Variants in TRPM2 observed in about 807,000 individuals in gnomAD.
TRPM2 encodes the protein estrogen-responsive element-associated gene 1 protein.
In TRPM2, 161 loss-of-function variants were observed where a neutral mutation model predicts 174.0. That is an observed-to-expected ratio of 0.93 (90% CI 0.81 to 1.05). The LOEUF is 1.05. Among genes scored for constraint, TRPM2 ranks in the 50% least tolerant of loss-of-function variants. The pLI, the probability that TRPM2 is intolerant of heterozygous loss-of-function variation, is 0.00. For missense variants in TRPM2, 2,057 were observed against 2,038.0 expected (o/e 1.01, Z -0.18); for synonymous variants, 954 against 861.3 (o/e 1.11, Z -1.88).
intron 29 of TRPM2, 110 bp downstream of exon 29, chr21:44,437,277 GCCCCT>G: frequency 4.8e-6 from 5 of 1,049,948 alleles, no homozygotes; most frequent in South Asian, 2.8e-5. Flanking sequence ...GCCCCCTGCA[GCCCCT>G]GGGCAGGGAG....
At chr21:44,423,792 C>T in intron 23 of TRPM2, 60 bp downstream of exon 23, 1 of 1,413,560 alleles carries the variant, frequency 7.1e-7, no homozygotes, top group Non-Finnish European at 9.7e-7. Context: ...GTGGGCGGCT[C>T]TGCCATGTGG....
intron 7 of TRPM2, 82 bp from the exon 8 acceptor site, chr21:44,378,915 G>A (rs992697486): frequency 1.4e-6 from 2 of 1,461,188 alleles, no homozygotes; most frequent in Middle Eastern, 4.8e-4. Flanking sequence ...GCCCTTAGCT[G>A]GCCTTGGAGA....
intron 16 of TRPM2, 58 bp downstream of exon 16, chr21:44,401,955 C>T: frequency 6.3e-7 from 1 of 1,589,224 alleles, no homozygotes; most frequent in Non-Finnish European, 8.6e-7. Flanking sequence ...TGGCTGCATT[C>T]TCATAGGGGA....
At chr21:44,383,307 G>A (rs2146216046) in intron 9 of TRPM2, among the ~76,000 whole-genome samples, 1 of 152,284 alleles carries the variant, frequency 6.6e-6, no homozygotes, top group East Asian at 1.9e-4. Context: ...CTCTTCTCAT[G>A]CCACAGGAGA....
intron 2 of TRPM2, among the ~76,000 whole-genome samples, chr21:44,363,513 A>C (rs2048275307): frequency 6.6e-6 from 1 of 151,968 alleles, no homozygotes; most frequent in African/African-American, 2.4e-5. Context: ...TTCAGCTCTA[A>C]AGTTTGCATT....
At chr21:44,419,325 A>G (rs941292022) in intron 22 of TRPM2, among the ~76,000 whole-genome samples, 4 of 152,058 alleles carry the variant, frequency 2.6e-5, no homozygotes, top group African/African-American at 7.2e-5. Context: ...AGAGACATGT[A>G]TGTACTCCTG....
chr21:44,390,566 C>T (rs2049141685), intron 9 of TRPM2, among the ~76,000 whole-genome samples: 1 of 152,144 alleles, frequency 6.6e-6, no homozygotes, highest in African/African-American at 2.4e-5. Flanking sequence ...TGCCTGCCCT[C>T]CAGAGACCTA....
chr21:44,381,058 T>C (rs1214499383), intron 8 of TRPM2, among the ~76,000 whole-genome samples: 1 of 151,850 alleles, frequency 6.6e-6, no homozygotes, highest in African/African-American at 2.4e-5. Context: ...GAGCTCAGGA[T>C]GTGTTTTGGA....
intron 20 of TRPM2, chr21:44,416,451 A>T (rs2050283123): frequency 6.5e-6 from 1 of 154,148 alleles, no homozygotes; most frequent in South Asian, 2.0e-4. Context: ...ACCCTGAGAC[A>T]CACCAAGGAG....
intron 9 of TRPM2, among the ~76,000 whole-genome samples, chr21:44,383,578 C>T (rs965309347): frequency 7.9e-5 from 12 of 152,170 alleles, no homozygotes; most frequent in African/African-American, 2.4e-4. Flanking sequence ...TAAAACCTCA[C>T]ACAAACAGCG....
chr21:44,377,894 C>A, intron 7 of TRPM2, 121 bp downstream of exon 7: 2 of 1,157,608 alleles, frequency 1.7e-6, no homozygotes, highest in East Asian at 2.5e-5. Flanking sequence ...AGCTTTCCCA[C>A]CAGAAGAAGA....
chr21:44,420,259 A>C (rs959093711), intron 22 of TRPM2, among the ~76,000 whole-genome samples: 1 of 151,560 alleles, frequency 6.6e-6, no homozygotes. Context: ...CCCTCCACCC[A>C]CCCTGTCCCC....
chr21:44,430,358 G>T (rs1055201536), intron 27 of TRPM2, among the ~76,000 whole-genome samples: 1 of 151,858 alleles, frequency 6.6e-6, no homozygotes, highest in Non-Finnish European at 1.5e-5. Context: ...GTTTCTTAAA[G>T]TCTGATAATA....
chr21:44,353,950 C>T (rs1569004739), intron 1 of TRPM2, 85 bp downstream of exon 1: 8 of 1,485,534 alleles, frequency 5.4e-6, no homozygotes, highest in South Asian at 2.7e-5. Context: ...GCTGTGACGA[C>T]GGGGGTGGGA....
chr21:44,378,916 G>A, intron 7 of TRPM2, 81 bp from the exon 8 acceptor site: 1 of 1,471,224 alleles, frequency 6.8e-7, no homozygotes, highest in Admixed American at 1.7e-5. Context: ...CCCTTAGCTG[G>A]CCTTGGAGAA....
intron 19 of TRPM2, among the ~76,000 whole-genome samples, chr21:44,413,324 C>T (rs1248989370): frequency 4.0e-5 from 6 of 151,196 alleles, no homozygotes; most frequent in Admixed American, 1.3e-4. Context: ...CTGCAACCTC[C>T]ACCTCCCTCC....
chr21:44,419,553 C>T (rs79072591), intron 22 of TRPM2, among the ~76,000 whole-genome samples: 4 of 70 alleles, frequency 0.057, no homozygotes, highest in East Asian at 0.17. Context: ...ATGGTGGCTG[C>T]GATGGTGATG....
chr21:44,399,497 A>G lies in TRPM2; in HGVS notation c.2208+56A>G, dbSNP rs1292434067. 7 of 1,563,918 alleles carry G rather than the reference A, an allele frequency of 4.5e-6. No homozygotes were observed. The highest frequency in any genetic ancestry group is 6.1e-6 in the Non-Finnish European group (7 of 1,154,302). On this transcript the variant is annotated intron_variant, in intron 14 of 31. Coordinates refer to ENST00000397928, the MANE Select transcript of TRPM2 (RefSeq NM_003307.4). This position sits in a 1 kb window ranked among gnomAD's most constrained non-coding sequence, Gnocchi z 4.6. ...GACGCCTGTGGTGCCTGCAGGGCGG[A>G]CACAGCCTCCTGTTCGTGCAGTTGG...
intron 13 of TRPM2, among the ~76,000 whole-genome samples, chr21:44,398,718 G>A (rs938816755): frequency 1.6e-4 from 25 of 152,134 alleles, no homozygotes; most frequent in Admixed American, 1.5e-3. Context: ...TCGGGGTGGC[G>A]TCAGTGAAGC....
Sources: allele counts gnomAD v4.1 joint callset (sites outside exome capture counted in the v4.1 genomes callset), GRCh38; gene constraint gnomAD v4.1.1; non-coding constraint Gnocchi (gnomAD v3.1); transcripts MANE v1.5; gene names NCBI Gene and HGNC (gene_info 2026-07-23, HGNC 2026-07-21).